Variants in DAB1 observed in about 807,000 individuals in gnomAD.
DAB1 encodes disabled homolog 1.
Under a neutral mutation model 64.6 loss-of-function variants are expected in DAB1, and 15 were observed. The observed-to-expected ratio is 0.23, with a 90% confidence interval of 0.16 to 0.36. The LOEUF is 0.36. Ranked by LOEUF, DAB1 falls within the 10% of genes least tolerant of loss-of-function variation. DAB1 has a pLI of 1.00. For synonymous variants in DAB1, 235 were observed against 251.9 expected (o/e 0.93, Z 0.64); for missense variants, 596 against 706.7 (o/e 0.84, Z 1.78).
chr1:57,528,852 A>T (rs1445849104), intron 7 of DAB1, among the ~76,000 whole-genome samples: 2 of 152,130 alleles, frequency 1.3e-5, no homozygotes, highest in Non-Finnish European at 2.9e-5. Flanking sequence ...GAAAGTAACT[A>T]AATATTCAGG....
At chr1:57,693,476 AAGCACTCTGTAAAATGGACCAATC>A (rs569003299) in intron 6 of DAB1, among the ~76,000 whole-genome samples, 1,686 of 152,258 alleles carry the variant, frequency 0.011, 29 homozygotes, top group African/African-American at 0.039. Context: ...TAAATGCACT[AAGCACTCTGTAAAATGGACCAATC>A]AGCACTCTGT....
At chr1:57,490,407 C>T (rs1644147186) in intron 7 of DAB1, among the ~76,000 whole-genome samples, 1 of 152,106 alleles carries the variant, frequency 6.6e-6, no homozygotes, top group South Asian at 2.1e-4. Context: ...AATATTTTAT[C>T]ACATCACAGC....
chr1:57,278,669 G>A (rs1009557262), intron 2 of DAB1, among the ~76,000 whole-genome samples: 7 of 152,140 alleles, frequency 4.6e-5, no homozygotes, highest in African/African-American at 1.7e-4. Context: ...AAAGAGAGAG[G>A]GGAACTTCTT....
intron 1 of DAB1, among the ~76,000 whole-genome samples, chr1:57,375,743 T>C (rs1299069164): frequency 1.3e-5 from 2 of 152,180 alleles, no homozygotes; most frequent in East Asian, 3.9e-4. Flanking sequence ...CTCATGCATG[T>C]GTGTCTGTGT....
intron 1 of DAB1, among the ~76,000 whole-genome samples, chr1:57,850,576 T>A (rs1379815912): frequency 5.9e-5 from 9 of 152,084 alleles, no homozygotes; most frequent in East Asian, 1.9e-4. Context: ...TTACTCCTGA[T>A]CATTAGTCGC....
intron 5 of DAB1, among the ~76,000 whole-genome samples, chr1:57,947,722 C>T (rs1570047799): frequency 6.6e-6 from 1 of 152,034 alleles, no homozygotes; most frequent in African/African-American, 2.4e-5. Context: ...GAAATTGACG[C>T]CTATGGAGAA....
At chr1:57,804,483 A>T (rs1651272965) in intron 6 of DAB1, among the ~76,000 whole-genome samples, 1 of 152,114 alleles carries the variant, frequency 6.6e-6, no homozygotes, top group Non-Finnish European at 1.5e-5. Context: ...GGGGTTCAAT[A>T]CTTCCTGAAC....
intron 7 of DAB1, among the ~76,000 whole-genome samples, chr1:57,577,393 T>C (rs960572957): frequency 2.8e-5 from 4 of 144,342 alleles, no homozygotes; most frequent in African/African-American, 1.0e-4. Context: ...CCTCGTGATC[T>C]GGTGTGTGGC....
intron 5 of DAB1, chr1:58,056,406 G>C: frequency 6.4e-7 from 1 of 1,562,768 alleles, no homozygotes; most frequent in Non-Finnish European, 8.7e-7. Context: ...ATCGGGCACA[G>C]TTAGTGCAGC....
At chr1:58,182,445 G>A (rs2100786166) in intron 4 of DAB1, among the ~76,000 whole-genome samples, 1 of 151,770 alleles carries the variant, frequency 6.6e-6, no homozygotes, top group South Asian at 2.1e-4. Flanking sequence ...GCTTAATGGT[G>A]TCCTATAGGT....
intron 14 of DAB1, among the ~76,000 whole-genome samples, chr1:57,004,572 G>C (rs1248655744): frequency 1.3e-5 from 2 of 152,208 alleles, no homozygotes; most frequent in Non-Finnish European, 2.9e-5. Flanking sequence ...GCTGGAAGGT[G>C]AGTCAAAGCT....
intron 5 of DAB1, among the ~76,000 whole-genome samples, chr1:57,981,540 G>A (rs1646065541): frequency 1.3e-5 from 2 of 152,202 alleles, no homozygotes; most frequent in South Asian, 4.1e-4. Flanking sequence ...ATCAAAAGAA[G>A]ATGTGCTTAA....
chr1:57,006,647 T>C (rs1646080250), intron 14 of DAB1, among the ~76,000 whole-genome samples: 1 of 152,194 alleles, frequency 6.6e-6, no homozygotes, highest in South Asian at 2.1e-4. Flanking sequence ...AGTGGGACAC[T>C]GTGCCCTCCA....
At chr1:57,544,077 C>T (rs1644831214) in intron 7 of DAB1, among the ~76,000 whole-genome samples, 2 of 152,104 alleles carry the variant, frequency 1.3e-5, no homozygotes, top group African/African-American at 2.4e-5. Context: ...CATACCACTA[C>T]ACTCTGTCCT....
chr1:57,327,316 A>T (rs1038534358), intron 1 of DAB1, among the ~76,000 whole-genome samples: 2 of 152,152 alleles, frequency 1.3e-5, no homozygotes, highest in African/African-American at 2.4e-5. Context: ...AAGTGCTGAG[A>T]TAATCTGGAA....
chr1:58,449,808 C>T (rs1378822035), intron 3 of DAB1, among the ~76,000 whole-genome samples: 2 of 152,182 alleles, frequency 1.3e-5, no homozygotes, highest in Non-Finnish European at 2.9e-5. Flanking sequence ...TATATCATAG[C>T]AGTCATTCCA....
intron 1 of DAB1, among the ~76,000 whole-genome samples, chr1:57,852,634 T>C (rs1369743392): frequency 1.3e-5 from 2 of 152,006 alleles, no homozygotes; most frequent in Non-Finnish European, 2.9e-5. Flanking sequence ...GTGACACACA[T>C]TGATAAGCCC....
At chr1:58,482,439 A>G (rs1201001095) in intron 3 of DAB1, among the ~76,000 whole-genome samples, 1 of 152,244 alleles carries the variant, frequency 6.6e-6, no homozygotes, top group Non-Finnish European at 1.5e-5. Context: ...GGGTATATGG[A>G]TAATTTTAAG....
chr1:58,051,276 C>T (rs1647646943), intron 5 of DAB1, among the ~76,000 whole-genome samples: 1 of 151,822 alleles, frequency 6.6e-6, no homozygotes, highest in South Asian at 2.1e-4. Context: ...TCAAGTCCCA[C>T]CTCTGAGTGA....
Sources: allele counts gnomAD v4.1 joint callset (sites outside exome capture counted in the v4.1 genomes callset), GRCh38; gene constraint gnomAD v4.1.1; transcripts MANE v1.5; gene names NCBI Gene and HGNC (gene_info 2026-07-23, HGNC 2026-07-21).